Variants in HIVEP3 observed in about 807,000 individuals in gnomAD.
HIVEP3 encodes transcription factor HIVEP3.
Under a neutral mutation model 152.8 loss-of-function variants are expected in HIVEP3, and 49 were observed. The observed-to-expected ratio is 0.32, with a 90% CI of 0.26 to 0.41. HIVEP3 has a LOEUF of 0.41. Ranked by LOEUF, HIVEP3 falls within the 10% of genes least tolerant of loss-of-function variation. HIVEP3 has a pLI of 1.00. For synonymous variants in HIVEP3, 1,269 were observed against 1,289.0 expected, an observed-to-expected ratio of 0.98 and a Z score of 0.33; for missense variants, 2,790 against 3,103.3, an observed-to-expected ratio of 0.90 and a Z score of 2.40.
At chr1:41,945,557 T>C (rs918745996) in intron 1 of HIVEP3, among the ~76,000 whole-genome samples, 3 of 152,090 alleles carry the variant, frequency 2.0e-5, no homozygotes, top group Non-Finnish European at 4.4e-5. Flanking sequence ...TGATCTCTGG[T>C]ATCTCAGTCA....
chr1:41,968,535 AC>A (rs1367219586), intron 1 of HIVEP3, among the ~76,000 whole-genome samples: 2 of 152,182 alleles, frequency 1.3e-5, no homozygotes, highest in African/African-American at 2.4e-5. Context: ...TTCTCAATAA[AC>A]TAGGCATTGA....
At chr1:41,656,354 C>A (rs188442469) in intron 2 of HIVEP3, among the ~76,000 whole-genome samples, 1 of 152,360 alleles carries the variant, frequency 6.6e-6, no homozygotes, top group Admixed American at 6.5e-5. Context: ...CATTGTGGTT[C>A]AGACAGGGGA....
chr1:41,933,971 T>C (rs1645007927), intron 1 of HIVEP3, among the ~76,000 whole-genome samples: 1 of 152,128 alleles, frequency 6.6e-6, no homozygotes, highest in Admixed American at 6.6e-5. Context: ...ATCTCAGATG[T>C]AATGGGATTT....
intron 1 of HIVEP3, among the ~76,000 whole-genome samples, chr1:41,709,134 C>T (rs759940041): frequency 3.9e-5 from 6 of 152,184 alleles, no homozygotes; most frequent in Non-Finnish European, 8.8e-5. Flanking sequence ...TGGGTCATGA[C>T]ACTGCAGCTA....
intron 1 of HIVEP3, among the ~76,000 whole-genome samples, chr1:41,837,091 G>T (rs145045933): frequency 6.6e-6 from 1 of 151,934 alleles, no homozygotes; most frequent in African/African-American, 2.4e-5. Context: ...AATAATTCCC[G>T]CCCAATGGCC....
At chr1:41,776,205 G>A (rs1192947160) in intron 1 of HIVEP3, among the ~76,000 whole-genome samples, 1 of 152,260 alleles carries the variant, frequency 6.6e-6, no homozygotes, top group African/African-American at 2.4e-5. Flanking sequence ...GGACCCTAGA[G>A]TTTACAAAGG....
chr1:41,748,653 C>T (rs1647109278), intron 1 of HIVEP3, among the ~76,000 whole-genome samples: 1 of 152,226 alleles, frequency 6.6e-6, no homozygotes, highest in Admixed American at 6.5e-5. Context: ...GGCGTTGATA[C>T]TATCACAGTC....
intron 1 of HIVEP3, among the ~76,000 whole-genome samples, chr1:41,784,111 G>A (rs1649207827): frequency 6.6e-6 from 1 of 152,224 alleles, no homozygotes; most frequent in South Asian, 2.1e-4. Flanking sequence ...GGAGGCAGCT[G>A]TGCTTCCAGG....
chr1:41,656,536 T>C (rs1408426092), intron 2 of HIVEP3, among the ~76,000 whole-genome samples: 1 of 152,200 alleles, frequency 6.6e-6, no homozygotes, highest in East Asian at 1.9e-4. Context: ...AATCTGATTG[T>C]CTGCCCACCC....
At chr1:41,840,151 C>T (rs866040507) in intron 1 of HIVEP3, among the ~76,000 whole-genome samples, 1 of 152,146 alleles carries the variant, frequency 6.6e-6, no homozygotes, top group Non-Finnish European at 1.5e-5. Context: ...GTCACTTGTT[C>T]CTGAAAAACC....
At chr1:41,860,658 T>G (rs777475012) in intron 1 of HIVEP3, among the ~76,000 whole-genome samples, 1 of 152,194 alleles carries the variant, frequency 6.6e-6, no homozygotes, top group African/African-American at 2.4e-5. Context: ...TTGCAGTGTT[T>G]TCAGAGGACC....
chr1:41,950,338 A>C (rs1466383964), intron 1 of HIVEP3, among the ~76,000 whole-genome samples: 1 of 152,044 alleles, frequency 6.6e-6, no homozygotes, highest in Non-Finnish European at 1.5e-5. Flanking sequence ...AACAAACAAA[A>C]AAAAACGTGG....
At chr1:41,557,798 A>T (rs1052205339) in intron 5 of HIVEP3, among the ~76,000 whole-genome samples, 4 of 152,158 alleles carry the variant, frequency 2.6e-5, no homozygotes, top group African/African-American at 9.7e-5. Context: ...AAGGACAAAG[A>T]GTAAGATCTT....
At chr1:41,528,653 AC>A (rs1471932185) in intron 5 of HIVEP3, among the ~76,000 whole-genome samples, 4 of 33,458 alleles carry the variant, frequency 1.2e-4, no homozygotes, top group East Asian at 7.1e-4. Context: ...CACACTCCAC[AC>A]CCCCATCCTC....
chr1:42,000,776 T>C (rs1175841473), intron 1 of HIVEP3, among the ~76,000 whole-genome samples: 2 of 152,208 alleles, frequency 1.3e-5, no homozygotes, highest in Non-Finnish European at 2.9e-5. Context: ...TGGAAGACTC[T>C]ATTGAATTTT....
intron 3 of HIVEP3, among the ~76,000 whole-genome samples, chr1:41,603,054 T>G (rs1165134029): frequency 6.6e-6 from 1 of 151,962 alleles, no homozygotes; most frequent in Non-Finnish European, 1.5e-5. Flanking sequence ...TCCATTTCTA[T>G]TTATTTATTT....
chr1:41,619,933 C>G (rs6697148), intron 3 of HIVEP3, among the ~76,000 whole-genome samples: 2,283 of 152,234 alleles, frequency 0.015, 69 homozygotes, highest in African/African-American at 0.052. Context: ...TTTTAGGCAT[C>G]CTGAATTTGC....
chr1:41,974,486 TACAC>T lies in HIVEP3; in HGVS notation n.120-55966_120-55963del, dbSNP rs66882363. ...ACATCCATAACCCCACTCCACCCCC[TACAC>T]ACACACACACACACACACACACACA... On this transcript the variant is annotated intron_variant and non_coding_transcript_variant, in intron 1 of 3. Transcript: ENST00000489103. Among the ~76,000 whole-genome samples, 875 of 134,264 alleles carry T rather than the reference TACAC, an allele frequency of 6.5e-3. 10 individuals are homozygous for T. The highest frequency in any genetic ancestry group is 7.4e-3 in the South Asian group (29 of 3,930). The allele number at this position is 134,264 out of a possible 152,430, so 88.1% of individuals were successfully genotyped here.
chr1:41,529,410 C>A (rs1444746348), intron 5 of HIVEP3, among the ~76,000 whole-genome samples: 1 of 143,202 alleles, frequency 7.0e-6, no homozygotes, highest in Non-Finnish European at 1.5e-5. Flanking sequence ...GCTCATACCC[C>A]ACACCCTCAC....
Sources: gnomAD v4.1 joint callset for allele counts (sites outside exome capture counted in the v4.1 genomes callset) on GRCh38, gnomAD v4.1.1 for gene constraint, MANE v1.5 for transcripts, NCBI Gene and HGNC (gene_info 2026-07-23, HGNC 2026-07-21) for gene names.